Variants in DDX17 observed in about 807,000 individuals in gnomAD.
DDX17 encodes the protein DEAD-box helicase 17.
DDX17 carries 10 observed loss-of-function variants against 80.8 expected under a neutral mutation model. That is an observed-to-expected ratio of 0.12 (90% CI 0.08 to 0.21). The LOEUF (loss-of-function observed/expected upper bound fraction) is 0.21, where lower values mean the gene tolerates loss of function less well. Among genes scored for constraint, DDX17 ranks in the 10% least tolerant of loss-of-function variants. DDX17 has a pLI of 1.00. For missense variants in DDX17, 586 were observed against 957.4 expected (o/e 0.61, Z 5.12); for synonymous variants, 339 against 336.2 (o/e 1.01, Z -0.09).
intron 6 of DDX17, 129 bp from the exon 7 acceptor site, chr22:38,495,175 G>A: frequency 1.2e-6 from 1 of 802,980 alleles, no homozygotes; most frequent in Non-Finnish European, 1.9e-6. Context: ...GGTCAACATA[G>A]CAAGACCCCG....
chr22:38,501,436 T>G (rs557111319), intron 1 of DDX17, among the ~76,000 whole-genome samples, 156 bp from the exon 2 acceptor site: 5 of 152,282 alleles, frequency 3.3e-5, no homozygotes, highest in African/African-American at 1.2e-4. Flanking sequence ...TATGGAGAAA[T>G]GTGTAAAACC....
intron 2 of DDX17, among the ~76,000 whole-genome samples, chr22:38,500,157 CAG>C (rs1013748428): frequency 7.5e-5 from 9 of 119,684 alleles, no homozygotes; most frequent in African/African-American, 2.9e-4. Context: ...GCCTAGGGGA[CAG>C]AGTGAGACTT....
At chr22:38,495,966 C>CCTG in intron 5 of DDX17, 29 bp from the exon 6 acceptor site, 2 of 1,306,834 alleles carry the variant, frequency 1.5e-6, no homozygotes, top group Non-Finnish European at 2.0e-6. Context: ...CACTTGAGAC[C>CCTG]TCATCCAAGG....
In DDX17 at chr22:38,498,135, T is replaced by C. The variant is rs768496214; in HGVS notation, c.688A>G (p.Ile230Val). ...TATGGCTGGTGGTTAATATGAACAA[T>C]TGCAGGCAGGAGATACTGTGGAGGG... The change falls in exon 5 of 13, where the codon ATT (isoleucine) becomes GTT (valine). Residue 230 changes from isoleucine (I) to valine (V), a missense_variant. Transcript: ENST00000403230. The C allele has an allele frequency of 9.9e-6, 16 of 1,613,950 alleles. No homozygotes were observed. The highest frequency in any genetic ancestry group is 2.7e-5 in the African/African-American group (2 of 74,904).
At chr22:38,488,936 G>A in intron 11 of DDX17, 2 of 985,362 alleles carry the variant, frequency 2.0e-6, no homozygotes, top group Non-Finnish European at 2.4e-6. Context: ...AATAGCCAAA[G>A]AACGTGGGAA....
Position 38,494,633 on chromosome 22 carries a change from T to C in DDX17, c.1211A>G (p.His404Arg). 2.5e-6 allele frequency: 4 copies of C among 1,613,724 alleles called. No individual in the cohort carries two copies. Among genetic ancestry groups the C allele is most frequent in the Non-Finnish European group, 3.4e-6 (4 of 1,179,784 alleles). The change falls in exon 8 of 13, where the codon CAC (histidine) becomes CGC (arginine). Residue 404 changes from histidine to arginine, a missense_variant. Physicochemically the swap from His to Arg is conservative, Grantham distance 29 (BLOSUM62 0). Around this residue, in one of 4 missense-constraint regions of DDX17, gnomAD observed 141 missense variants for 379.3 expected, o/e 0.37. Transcript: ENST00000403230. ...CAGAGTAAAATATCTTTCATACTTG[T>C]GGTCTTTTTCACTTTCCATGCAGAC...
At chr22:38,491,198 T>C (rs1419768911) in intron 11 of DDX17, 1 of 152,250 alleles carries the variant, frequency 6.6e-6, no homozygotes, top group Non-Finnish European at 1.5e-5. Context: ...AAGGCTTCAT[T>C]ACTTTTGTAT....
rs749669095 is a variant in DDX17, at chr22:38,485,890, TA to T, written c.*44del. ...AAAAAAAAGGAAAGACAGTGTTCCT[TA>T]AAATGTAATTAAGTCTGCTGGAGTC... On this transcript the variant is annotated 3_prime_UTR_variant, in exon 13 of 13. Coordinates refer to ENST00000403230, the MANE Select transcript of DDX17 (RefSeq NM_006386.5). 2 of 1,586,130 alleles carry T rather than the reference TA, an allele frequency of 1.3e-6. No individual in the cohort carries two copies. Among genetic ancestry groups the T allele is most frequent in the South Asian group, 1.1e-5 (1 of 87,998 alleles).
intron 1 of DDX17, chr22:38,505,465 A>G (rs751176838): frequency 3.2e-5 from 5 of 156,556 alleles, no homozygotes; most frequent in Admixed American, 6.5e-5. Flanking sequence ...CCCGTGCCTT[A>G]AACAGTGAAC....
rs1569136206 is a variant in DDX17, at chr22:38,485,905, T to C, written c.*30A>G. On this transcript the variant is annotated 3_prime_UTR_variant, in exon 13 of 13. Coordinates refer to ENST00000403230, the MANE Select transcript of DDX17 (RefSeq NM_006386.5). ...CAGTGTTCCTTAAAATGTAATTAAG[T>C]CTGCTGGAGTCACTACCACTTGAGT... 6.2e-7 allele frequency: 1 copy of C among 1,603,760 alleles called. No individual in the cohort carries two copies. The highest frequency in any genetic ancestry group is 1.1e-5 in the South Asian group (1 of 89,956).
Position 38,498,139 on chromosome 22 carries a change from A to C in DDX17, c.684T>G (p.Pro228=). The change falls in exon 5 of 13, where the codon CCT becomes CCG. Residue 228 remains proline, a synonymous_variant. Coordinates refer to ENST00000403230, the MANE Select transcript of DDX17 (RefSeq NM_006386.5). ...GCTGGTGGTTAATATGAACAATTGC[A>C]GGCAGGAGATACTGTGGAGGGGGGA... The C allele has an allele frequency of 6.2e-7, 1 of 1,614,110 alleles. No homozygotes were observed. The highest frequency in any genetic ancestry group is 1.1e-5 in the South Asian group (1 of 91,072).
intron 1 of DDX17, among the ~76,000 whole-genome samples, chr22:38,502,059 A>C (rs1326164239): frequency 6.6e-6 from 1 of 152,242 alleles, no homozygotes; most frequent in Non-Finnish European, 1.5e-5. Context: ...CTGCAAAGCA[A>C]AACTGGGTCT....
intron 12 of DDX17, 126 bp downstream of exon 12, chr22:38,487,753 G>A (rs1049605072): frequency 8.9e-6 from 8 of 900,468 alleles, no homozygotes; most frequent in Non-Finnish European, 1.4e-5. Flanking sequence ...AAAAGCATTA[G>A]GCAGTGTCCT....
Position 38,483,606 on chromosome 22 carries a change from G to A in DDX17, c.*2329C>T, listed in dbSNP as rs1441189126. ...TTAATGCAACAGGAATGTGTCTGGA[G>A]ACCAGCAAGAACATCAATAGAGAGC... On this transcript the variant is annotated 3_prime_UTR_variant, in exon 13 of 13. Transcript: ENST00000403230. 2.0e-5 allele frequency: 3 copies of A among 152,392 alleles called. No individual in the cohort carries two copies. The highest frequency in any genetic ancestry group is 6.6e-5 in the Admixed American group (1 of 15,248). 9.4% of individuals were successfully genotyped at this position (152,392 alleles called of 1,614,324 possible). A position where few individuals can be genotyped will look rare whatever the true frequency, so the allele number is the denominator to read the frequency against.
At chr22:38,499,291 T>C (rs1228524553) in intron 3 of DDX17, 109 bp downstream of exon 3, 1 of 793,268 alleles carries the variant, frequency 1.3e-6, no homozygotes, top group African/African-American at 1.7e-5. Context: ...AACAATCTCT[T>C]GTCCTTTCAA....
At chr22:38,495,511 C>A (rs775564812) in intron 6 of DDX17, among the ~76,000 whole-genome samples, 1 of 152,176 alleles carries the variant, frequency 6.6e-6, no homozygotes, top group Non-Finnish European at 1.5e-5. Flanking sequence ...TCCCAAAGTG[C>A]TGGGATTACA....
intron 12 of DDX17, among the ~76,000 whole-genome samples, chr22:38,487,393 TG>T: frequency 6.6e-6 from 1 of 151,952 alleles, no homozygotes; most frequent in East Asian, 1.9e-4. Context: ...CCAAGACAGG[TG>T]GATCACCAGA....
At position 38,494,877 on chromosome 22, in the gene DDX17, T is replaced by C. The variant is rs562916295; in HGVS notation, c.1041+9A>G. The stretch of plus-strand genomic sequence containing the variant: ...GGCATAAAGACTGCTTATTATTAGC[T>C]TTACACACCCTGATTTGGTCAACAA... On this transcript the variant is annotated intron_variant, in intron 7 of 12. Transcript: ENST00000403230. The C allele has an allele frequency of 6.2e-7, 1 of 1,614,060 alleles. No individual in the cohort carries two copies. Among genetic ancestry groups the C allele is most frequent in the East Asian group, 2.2e-5 (1 of 44,890 alleles).
Position 38,483,465 on chromosome 22 carries a change from C to T in DDX17, c.*2470G>A, listed in dbSNP as rs1045865406. On this transcript the variant is annotated 3_prime_UTR_variant, in exon 13 of 13. Coordinates refer to ENST00000403230, the MANE Select transcript of DDX17 (RefSeq NM_006386.5). ...ATTGTCAACAGTGTTTTTATTTATA[C>T]CTACAAAAAGAAAACAAGATGATGG... is the stretch of plus-strand genomic sequence containing the variant. 1.7e-4 allele frequency: 26 copies of T among 152,414 alleles called. No individual in the cohort carries two copies. The highest frequency in any genetic ancestry group is 6.0e-4 in the African/African-American group (25 of 41,412). 9.4% of individuals were successfully genotyped at this position (152,414 alleles called of 1,614,324 possible).
Sources: gnomAD v4.1 joint callset for allele counts (sites outside exome capture counted in the v4.1 genomes callset) on GRCh38, gnomAD v4.1.1 for gene constraint, gnomAD v4.1.1 regional missense constraint, MANE v1.5 for transcripts, NCBI Gene and HGNC (gene_info 2026-07-23, HGNC 2026-07-21) for gene names.